NALCN: variants seen among roughly 807,000 people sequenced by gnomAD.
The protein encoded by NALCN is sodium leak channel NALCN.
A neutral mutation model predicts 225.3 loss-of-function variants in NALCN; 111 were observed. The observed-to-expected ratio is 0.49, with a 90% confidence interval of 0.42 to 0.58. The LOEUF is 0.58. Ranked by LOEUF, NALCN falls within the 20% of genes least tolerant of loss-of-function variation. The pLI, the probability that NALCN is intolerant of heterozygous loss-of-function variation, is 0.00. For synonymous variants in NALCN, 764 were observed against 769.0 expected (o/e 0.99, Z 0.11); for missense variants, 1,378 against 2,202.4 (o/e 0.63, Z 7.49).
At chr13:101,317,281 T>A (rs533280260) in intron 7 of NALCN, among the ~76,000 whole-genome samples, 1 of 152,310 alleles carries the variant, frequency 6.6e-6, no homozygotes, top group Non-Finnish European at 1.5e-5. Context: ...TCTTTACAGG[T>A]GAGGACATAG....
chr13:101,354,837 G>C (rs998855697), intron 6 of NALCN, among the ~76,000 whole-genome samples: 6 of 152,232 alleles, frequency 3.9e-5, no homozygotes, highest in African/African-American at 1.4e-4. Context: ...TCCTTTCAAG[G>C]TGGCCAGACA....
intron 37 of NALCN, among the ~76,000 whole-genome samples, chr13:101,072,707 C>T (rs1008950287): frequency 5.9e-5 from 9 of 152,190 alleles, no homozygotes; most frequent in African/African-American, 1.9e-4. Context: ...CCTATCTCTT[C>T]TTCCTACTGA....
chr13:101,307,604 G>C (rs751388363), intron 7 of NALCN, among the ~76,000 whole-genome samples: 1 of 152,130 alleles, frequency 6.6e-6, no homozygotes, highest in Non-Finnish European at 1.5e-5. Context: ...TGAGGAATTT[G>C]AACAAATTCC....
intron 17 of NALCN, among the ~76,000 whole-genome samples, chr13:101,142,136 G>GTTTT (rs2037113045): frequency 3.0e-5 from 3 of 101,064 alleles, no homozygotes; most frequent in African/African-American, 1.2e-4. Flanking sequence ...TACATTCTAT[G>GTTTT]TCTTTTTTTT....
At chr13:101,294,811 T>A (rs866335512) in intron 7 of NALCN, among the ~76,000 whole-genome samples, 1 of 152,146 alleles carries the variant, frequency 6.6e-6, no homozygotes, top group Non-Finnish European at 1.5e-5. Flanking sequence ...TTTACAATAT[T>A]GTGTGCATCA....
At chr13:101,316,910 ATAATG>A (rs1157935436) in intron 7 of NALCN, among the ~76,000 whole-genome samples, 1 of 152,200 alleles carries the variant, frequency 6.6e-6, no homozygotes, top group Non-Finnish European at 1.5e-5. Flanking sequence ...GATGCTAAAT[ATAATG>A]TATTTGATGT....
intron 40 of NALCN, among the ~76,000 whole-genome samples, chr13:101,063,905 G>A (rs1254959320): frequency 6.6e-6 from 1 of 152,128 alleles, no homozygotes; most frequent in Admixed American, 6.5e-5. Flanking sequence ...TGGCAGTGGA[G>A]CTTATGGGAC....
At chr13:101,249,332 C>T (rs1049959758) in intron 11 of NALCN, among the ~76,000 whole-genome samples, 4 of 152,106 alleles carry the variant, frequency 2.6e-5, no homozygotes, top group African/African-American at 9.7e-5. Flanking sequence ...ACCAGGGATC[C>T]CACTGCAAAC....
At chr13:101,273,039 A>G (rs1202440458) in intron 10 of NALCN, among the ~76,000 whole-genome samples, 1 of 152,218 alleles carries the variant, frequency 6.6e-6, no homozygotes, top group Non-Finnish European at 1.5e-5. Context: ...ACGCGGTGGA[A>G]TATGCTACCA....
chr13:101,144,478 C>A (rs1330665031), intron 16 of NALCN, among the ~76,000 whole-genome samples: 2 of 152,192 alleles, frequency 1.3e-5, no homozygotes, highest in Non-Finnish European at 2.9e-5. Context: ...CTGGGATGTC[C>A]CATTCCCGAG....
chr13:101,209,231 C>A (rs1271886886), intron 13 of NALCN, among the ~76,000 whole-genome samples: 1 of 152,158 alleles, frequency 6.6e-6, no homozygotes, highest in East Asian at 1.9e-4. Context: ...AACTCTCACA[C>A]ATAAAAAGCA....
intron 15 of NALCN, among the ~76,000 whole-genome samples, chr13:101,158,508 T>G (rs999944512): frequency 1.3e-5 from 2 of 152,216 alleles, no homozygotes; most frequent in African/African-American, 4.8e-5. Context: ...TTAGAAAATA[T>G]TCTTCTTGAC....
chr13:101,380,451 A>C (rs1188484524), intron 3 of NALCN, among the ~76,000 whole-genome samples: 1 of 152,210 alleles, frequency 6.6e-6, no homozygotes, highest in Non-Finnish European at 1.5e-5. Flanking sequence ...GAGGTTAAAA[A>C]TTAGAAACTT....
At chr13:101,127,037 C>A (rs1449563869) in intron 17 of NALCN, among the ~76,000 whole-genome samples, 1 of 152,158 alleles carries the variant, frequency 6.6e-6, no homozygotes, top group Non-Finnish European at 1.5e-5. Context: ...CTTGAAAGGA[C>A]AATGACATGT....
At chr13:101,318,023 T>A (rs2044616130) in intron 7 of NALCN, among the ~76,000 whole-genome samples, 1 of 152,196 alleles carries the variant, frequency 6.6e-6, no homozygotes, top group Admixed American at 6.5e-5. Context: ...CAGATATACT[T>A]GCTCAACTGG....
intron 11 of NALCN, among the ~76,000 whole-genome samples, chr13:101,249,051 G>A (rs935819577): frequency 3.3e-5 from 5 of 152,110 alleles, no homozygotes; most frequent in African/African-American, 1.2e-4. Flanking sequence ...GTGCTGTGAA[G>A]TTTGGTCTAA....
intron 6 of NALCN, among the ~76,000 whole-genome samples, chr13:101,365,111 A>T (rs1385495701): frequency 6.6e-6 from 1 of 152,162 alleles, no homozygotes; most frequent in Non-Finnish European, 1.5e-5. Context: ...ACTGCGTGTC[A>T]TGCGAGCGTG....
At chr13:101,181,223 G>A (rs772131695) in intron 14 of NALCN, 3 of 518,892 alleles carry the variant, frequency 5.8e-6, no homozygotes, top group Non-Finnish European at 1.2e-5. Flanking sequence ...GTGAGGGCCT[G>A]GTGAGTAAGT....
intron 3 of NALCN, among the ~76,000 whole-genome samples, chr13:101,383,384 C>T (rs898649104): frequency 8.6e-5 from 13 of 151,656 alleles, no homozygotes; most frequent in Non-Finnish European, 7.4e-5. Context: ...CTTCTCTGAA[C>T]GTATTCTCTG....
Sources: allele counts gnomAD v4.1 joint callset (sites outside exome capture counted in the v4.1 genomes callset), GRCh38; gene constraint gnomAD v4.1.1; transcripts MANE v1.5; gene names NCBI Gene and HGNC (gene_info 2026-07-23, HGNC 2026-07-21).